CACNA2D3: variants seen among roughly 807,000 people sequenced by gnomAD.
The protein encoded by CACNA2D3 is voltage-dependent calcium channel subunit alpha-2/delta-3.
CACNA2D3 carries 60 observed loss-of-function variants against 160.6 expected under a neutral mutation model. The observed-to-expected ratio is 0.37, with a 90% confidence interval of 0.30 to 0.46. The LOEUF (loss-of-function observed/expected upper bound fraction) is 0.46, where lower values mean the gene tolerates loss of function less well. Among genes scored for constraint, CACNA2D3 ranks in the 20% least tolerant of loss-of-function variants. CACNA2D3 has a pLI of 1.00. For synonymous variants in CACNA2D3, 558 were observed against 492.9 expected (o/e 1.13, Z -1.75); for missense variants, 1,205 against 1,365.0 (o/e 0.88, Z 1.85).
At chr3:54,612,993 C>A (rs1698775092) in intron 9 of CACNA2D3, among the ~76,000 whole-genome samples, 1 of 152,144 alleles carries the variant, frequency 6.6e-6, no homozygotes, top group Non-Finnish European at 1.5e-5. Flanking sequence ...TGGACCACCC[C>A]CATGACTAGA....
At chr3:54,219,271 A>G (rs1345137221) in intron 2 of CACNA2D3, among the ~76,000 whole-genome samples, 1 of 152,138 alleles carries the variant, frequency 6.6e-6, no homozygotes, top group Non-Finnish European at 1.5e-5. Context: ...GAGTGAAACT[A>G]TTTACACCTT....
At chr3:54,205,811 C>T (rs1444338974) in intron 2 of CACNA2D3, among the ~76,000 whole-genome samples, 2 of 152,204 alleles carry the variant, frequency 1.3e-5, no homozygotes, top group East Asian at 1.9e-4. Context: ...AGGATGTCCT[C>T]TTGTATTAAA....
At chr3:54,494,254 T>C (rs1701167943) in intron 4 of CACNA2D3, among the ~76,000 whole-genome samples, 1 of 152,220 alleles carries the variant, frequency 6.6e-6, no homozygotes, top group African/African-American at 2.4e-5. Flanking sequence ...ATTAGAGCAA[T>C]GCATTCCAAA....
intron 2 of CACNA2D3, among the ~76,000 whole-genome samples, chr3:54,172,162 T>C (rs751455879): frequency 1.3e-5 from 2 of 152,122 alleles, no homozygotes; most frequent in Non-Finnish European, 1.5e-5. Context: ...ACCACTCCAC[T>C]CTCCCCTTCC....
chr3:54,842,728 G>C (rs971228643), intron 16 of CACNA2D3, among the ~76,000 whole-genome samples: 6 of 151,632 alleles, frequency 4.0e-5, no homozygotes, highest in Non-Finnish European at 8.8e-5. Flanking sequence ...AGCCTCCAGA[G>C]TATCTGGGAT....
chr3:54,805,287 A>G (rs916436362), intron 13 of CACNA2D3, among the ~76,000 whole-genome samples: 2 of 152,226 alleles, frequency 1.3e-5, no homozygotes, highest in African/African-American at 4.8e-5. Context: ...AGGATCAACA[A>G]TATTGATAGA....
chr3:54,597,896 T>C (rs915230170), intron 9 of CACNA2D3, among the ~76,000 whole-genome samples: 2 of 152,154 alleles, frequency 1.3e-5, no homozygotes, highest in Non-Finnish European at 2.9e-5. Context: ...TTTAGGTTAC[T>C]GCAGCTTTGA....
At chr3:54,998,194 G>A (rs1702901204) in intron 31 of CACNA2D3, among the ~76,000 whole-genome samples, 1 of 150,738 alleles carries the variant, frequency 6.6e-6, no homozygotes, top group African/African-American at 2.4e-5. Flanking sequence ...GAGTGCGGTG[G>A]CACAAATCTC....
At chr3:54,927,965 G>T in intron 27 of CACNA2D3, 20 of 1,575,610 alleles carry the variant, frequency 1.3e-5, no homozygotes, top group Admixed American at 1.7e-5. Context: ...TAATTAATGT[G>T]CAGAGCAACA....
At chr3:54,619,414 G>A (rs1373248969) in intron 9 of CACNA2D3, among the ~76,000 whole-genome samples, 1 of 152,188 alleles carries the variant, frequency 6.6e-6, no homozygotes, top group Non-Finnish European at 1.5e-5. Context: ...AATAATTAGT[G>A]CTTTTGCCAT....
intron 4 of CACNA2D3, among the ~76,000 whole-genome samples, chr3:54,458,792 CTT>C (rs1441560704): frequency 6.6e-6 from 1 of 151,460 alleles, no homozygotes; most frequent in Non-Finnish European, 1.5e-5. Context: ...TTATTATACT[CTT>C]AAGTTTTAGG....
At chr3:54,992,780 G>GAAA (rs5849065) in intron 31 of CACNA2D3, among the ~76,000 whole-genome samples, 9 of 137,362 alleles carry the variant, frequency 6.6e-5, no homozygotes, top group Non-Finnish European at 7.9e-5. Flanking sequence ...TGAACAACAA[G>GAAA]AAAAAAAAAA....
chr3:54,918,482 G>A (rs1254978988), intron 27 of CACNA2D3: 5 of 1,613,558 alleles, frequency 3.1e-6, no homozygotes, highest in East Asian at 2.2e-5. Flanking sequence ...CTGTCAAATC[G>A]CTCTTTTTCT....
intron 18 of CACNA2D3, 64 bp downstream of exon 18, chr3:54,871,686 G>A: frequency 7.6e-7 from 1 of 1,315,752 alleles, no homozygotes; most frequent in Non-Finnish European, 1.1e-6. Flanking sequence ...CTGTACCTGG[G>A]GGCGATCCCA....
chr3:54,535,125 G>A (rs1701868388), intron 5 of CACNA2D3, among the ~76,000 whole-genome samples: 2 of 152,130 alleles, frequency 1.3e-5, no homozygotes, highest in Admixed American at 6.5e-5. Context: ...TTATAGCCTG[G>A]AACAGTGGCT....
chr3:54,595,244 C>A (rs1008537928), intron 9 of CACNA2D3, among the ~76,000 whole-genome samples: 1 of 151,848 alleles, frequency 6.6e-6, no homozygotes, highest in Non-Finnish European at 1.5e-5. Flanking sequence ...GGGAATCTCT[C>A]GAGGTTGTTT....
intron 2 of CACNA2D3, among the ~76,000 whole-genome samples, chr3:54,176,731 C>T (rs1700686776): frequency 6.6e-6 from 1 of 152,160 alleles, no homozygotes; most frequent in Non-Finnish European, 1.5e-5. Context: ...TTATTCATTA[C>T]CAGGTGATTT....
chr3:54,973,443 C>T (rs1378093723), intron 29 of CACNA2D3, among the ~76,000 whole-genome samples: 4 of 152,256 alleles, frequency 2.6e-5, no homozygotes, highest in African/African-American at 4.8e-5. Context: ...GTGACGGCAG[C>T]GAGAGAATCG....
chr3:54,798,004 T>C (rs1329290392), intron 13 of CACNA2D3, among the ~76,000 whole-genome samples: 3 of 152,226 alleles, frequency 2.0e-5, no homozygotes, highest in Non-Finnish European at 4.4e-5. Flanking sequence ...GTCCCACACC[T>C]TTGATAGGTG....
Sources: gnomAD v4.1 joint callset for allele counts (sites outside exome capture counted in the v4.1 genomes callset) on GRCh38, gnomAD v4.1.1 for gene constraint, MANE v1.5 for transcripts, NCBI Gene and HGNC (gene_info 2026-07-23, HGNC 2026-07-21) for gene names.